GAS2: variants seen among roughly 807,000 people sequenced by gnomAD.
The protein encoded by GAS2 is growth arrest-specific protein 2.
Under a neutral mutation model 37.5 loss-of-function variants are expected in GAS2, and 20 were observed. The ratio of observed to expected loss-of-function variants is 0.53; its 90% CI spans 0.37 to 0.77. The LOEUF is 0.77. GAS2 is among the 30% of genes least tolerant of loss of function. The pLI is 0.00. For synonymous variants in GAS2, 144 were observed against 132.2 expected (o/e 1.09, Z -0.61); for missense variants, 336 against 373.4 (o/e 0.90, Z 0.82).
intron 5 of GAS2, among the ~76,000 whole-genome samples, chr11:22,748,534 T>C: frequency 6.6e-6 from 1 of 152,084 alleles, no homozygotes; most frequent in East Asian, 1.9e-4. Context: ...CTATGCTCAG[T>C]TGTTTCCCAA....
intron 7 of GAS2, among the ~76,000 whole-genome samples, chr11:22,779,165 A>G (rs968804884): frequency 4.6e-5 from 7 of 152,156 alleles, no homozygotes; most frequent in African/African-American, 1.7e-4. Flanking sequence ...TCCACCCACA[A>G]AAAAATTCTG....
chr11:22,642,077 G>C (rs1479580815), intron 1 of GAS2, among the ~76,000 whole-genome samples: 3 of 152,084 alleles, frequency 2.0e-5, no homozygotes, highest in Non-Finnish European at 4.4e-5. Flanking sequence ...GTTCAATTGA[G>C]ATTCCAATTT....
chr11:22,678,909 C>A (rs1473881806), intron 2 of GAS2, among the ~76,000 whole-genome samples: 3 of 151,856 alleles, frequency 2.0e-5, no homozygotes, highest in Non-Finnish European at 4.4e-5. Flanking sequence ...TAATAAATAT[C>A]ATTTTAAATT....
chr11:22,759,344 G>C (rs1050618020), intron 7 of GAS2, among the ~76,000 whole-genome samples: 1 of 152,106 alleles, frequency 6.6e-6, no homozygotes, highest in Non-Finnish European at 1.5e-5. Context: ...AGACAGGCTT[G>C]TTTATGTTCA....
rs150774803 is a variant in GAS2, at chr11:22,800,885, T to G, written c.724-10913T>G. On this transcript the variant is annotated intron_variant, in intron 7 of 7. Coordinates refer to ENST00000454584, the MANE Select transcript of GAS2 (RefSeq NM_001143830.3). ...AGTGGTTTTGCTTGTTTGTTGTTTATGTAATATAGCTAGGATATATACAGC... is the reference window on the plus strand; with the variant it reads ...AGTGGTTTTGCTTGTTTGTTGTTTAGGTAATATAGCTAGGATATATACAGC... 4.8e-3 allele frequency among the ~76,000 whole-genome samples: 727 copies of G among 152,208 alleles called. 11 individuals carry two copies. Among genetic ancestry groups the G allele is most frequent in the African/African-American group, 0.016 (678 of 41,548 alleles).
intron 5 of GAS2, among the ~76,000 whole-genome samples, chr11:22,747,371 C>T (rs4480545): frequency 6.6e-6 from 1 of 152,004 alleles, no homozygotes; most frequent in African/African-American, 2.4e-5. Context: ...CTATGTACAA[C>T]AGATTAGAAA....
intron 1 of GAS2, among the ~76,000 whole-genome samples, chr11:22,648,900 C>A (rs924560277): frequency 2.6e-5 from 4 of 151,780 alleles, no homozygotes; most frequent in East Asian, 1.9e-4. Flanking sequence ...TAATTGAATA[C>A]CCTTTATTTC....
intron 7 of GAS2, among the ~76,000 whole-genome samples, chr11:22,792,639 C>T (rs143201593): frequency 2.1e-4 from 32 of 152,230 alleles, no homozygotes; most frequent in Admixed American, 6.5e-4. Flanking sequence ...CTAGGGCATT[C>T]GTTATGTATG....
intron 7 of GAS2, among the ~76,000 whole-genome samples, chr11:22,800,722 T>TA (rs1408322806): frequency 5.9e-5 from 9 of 152,042 alleles, no homozygotes; most frequent in Admixed American, 5.9e-4. Flanking sequence ...TCATACGAAT[T>TA]ACGATTTCAA....
chr11:22,709,012 C>CCCAT (rs1851264742), intron 3 of GAS2, among the ~76,000 whole-genome samples: 1 of 152,006 alleles, frequency 6.6e-6, no homozygotes, highest in South Asian at 2.1e-4. Flanking sequence ...AGACAGAGGG[C>CCCAT]CCATGGTAGT....
At chr11:22,744,812 G>A (rs770590671) in intron 5 of GAS2, among the ~76,000 whole-genome samples, 2 of 151,968 alleles carry the variant, frequency 1.3e-5, no homozygotes, top group African/African-American at 2.4e-5. Flanking sequence ...TAGCCAGAGC[G>A]ATCAGGCAAA....
intron 3 of GAS2, among the ~76,000 whole-genome samples, chr11:22,687,243 A>G (rs565001222): frequency 6.6e-6 from 1 of 152,060 alleles, no homozygotes; most frequent in South Asian, 2.1e-4. Flanking sequence ...GGCAGGTTCA[A>G]TTGAGCCCAG....
At chr11:22,653,269 G>A (rs1440980377) in intron 1 of GAS2, among the ~76,000 whole-genome samples, 1 of 151,976 alleles carries the variant, frequency 6.6e-6, no homozygotes, top group African/African-American at 2.4e-5. Flanking sequence ...AAAAAAGAGA[G>A]CTGTTATCAT....
At chr11:22,626,318 G>T in intron 1 of GAS2, 1 of 165,632 alleles carries the variant, frequency 6.0e-6, no homozygotes, top group Admixed American at 5.6e-5. Flanking sequence ...GCTGAATTCT[G>T]GGCCTTCACA....
At chr11:22,780,937 A>G (rs1855529149) in intron 7 of GAS2, among the ~76,000 whole-genome samples, 1 of 152,244 alleles carries the variant, frequency 6.6e-6, no homozygotes, top group Non-Finnish European at 1.5e-5. Flanking sequence ...ATGATAAAGT[A>G]AATGTGGTTC....
chr11:22,665,978 C>A (rs962786496), upstream of GAS2, among the ~76,000 whole-genome samples: 2 of 152,202 alleles, frequency 1.3e-5, no homozygotes, highest in Non-Finnish European at 2.9e-5. Context: ...AAGTGTAATA[C>A]ATTTTATTTA....
intron 7 of GAS2, among the ~76,000 whole-genome samples, chr11:22,780,296 A>T (rs923202161): frequency 5.3e-5 from 8 of 152,082 alleles, no homozygotes; most frequent in Non-Finnish European, 1.0e-4. Flanking sequence ...GGAGATCGAG[A>T]CCATCCTGGC....
intron 3 of GAS2, among the ~76,000 whole-genome samples, chr11:22,718,568 C>A (rs1173560450): frequency 6.6e-6 from 1 of 151,886 alleles, no homozygotes; most frequent in Non-Finnish European, 1.5e-5. Flanking sequence ...ACATTGTACA[C>A]TGCTCAAGTG....
At position 22,701,687 on chromosome 11, in the gene GAS2, G is replaced by A. The variant is rs568493204; in HGVS notation, c.267+15898G>A. ...CTACTAAAAATACAAAAATTAGCCG[G>A]GTGTGGTGGCAGGTGCCTGTAGTCC... On this transcript the variant is annotated intron_variant, in intron 3 of 7. Coordinates refer to ENST00000454584, the MANE Select transcript of GAS2 (RefSeq NM_001143830.3). Among the ~76,000 whole-genome samples, 10 of 152,040 alleles carry A rather than the reference G, an allele frequency of 6.6e-5. No individual in the cohort carries two copies. The South Asian group carries it at 1.5e-3, about 22-fold the overall frequency.
Sources: allele counts gnomAD v4.1 joint callset (sites outside exome capture counted in the v4.1 genomes callset), GRCh38; gene constraint gnomAD v4.1.1; transcripts MANE v1.5; gene names NCBI Gene and HGNC (gene_info 2026-07-23, HGNC 2026-07-21).